The following DHRSX variants were observed in gnomAD, a reference collection of about 807,000 sequenced individuals.
DHRSX encodes dehydrogenase/reductase X-linked.
A neutral mutation model predicts 34.0 loss-of-function variants in DHRSX; 31 were observed. The observed-to-expected ratio is 0.91, with a 90% CI of 0.69 to 1.23. DHRSX has a LOEUF of 1.23. Among genes scored for constraint, DHRSX ranks in the 50% most tolerant of loss-of-function variants. The probability of loss-of-function intolerance (pLI) is 0.00; values close to 1 mark genes in which losing one functional copy is unlikely to be tolerated. For synonymous variants in DHRSX, 201 were observed against 183.8 expected, an observed-to-expected ratio of 1.09 and a Z score of -0.76; for missense variants, 414 against 428.1, an observed-to-expected ratio of 0.97 and a Z score of 0.29.
At chrX:2,230,686 C>T (rs1405928542) in intron 6 of DHRSX, among the ~76,000 whole-genome samples, 4 of 152,150 alleles carry the variant, frequency 2.6e-5, no homozygotes, top group Non-Finnish European at 4.4e-5. Flanking sequence ...AACACTGACA[C>T]TTACTAGAAA....
At chrX:2,235,289 T>C (rs1321400415) in intron 6 of DHRSX, among the ~76,000 whole-genome samples, 1 of 151,442 alleles carries the variant, frequency 6.6e-6, no homozygotes, top group Non-Finnish European at 1.5e-5. Context: ...AGGTGGGAGG[T>C]TGGCAGGAGG....
chrX:2,412,380 G>A (rs746400905), intron 2 of DHRSX, among the ~76,000 whole-genome samples: 4 of 152,250 alleles, frequency 2.6e-5, no homozygotes, highest in South Asian at 4.1e-4. Context: ...CACTGCACCC[G>A]GCCTGGTTTT....
chrX:2,244,977 T>G (rs2016243629), intron 5 of DHRSX, among the ~76,000 whole-genome samples: 1 of 152,136 alleles, frequency 6.6e-6, no homozygotes, highest in African/African-American at 2.4e-5. Context: ...CCCAAAGTGC[T>G]GGGATTACAG....
At chrX:2,350,238 C>G (rs1449253003) in intron 3 of DHRSX, among the ~76,000 whole-genome samples, 1 of 151,756 alleles carries the variant, frequency 6.6e-6, no homozygotes, top group Admixed American at 6.6e-5. Flanking sequence ...GTAGTCTCAG[C>G]TACTCCAGAG....
chrX:2,324,117 A>G (rs1373378327), intron 3 of DHRSX, among the ~76,000 whole-genome samples: 1 of 152,102 alleles, frequency 6.6e-6, no homozygotes, highest in Non-Finnish European at 1.5e-5. Flanking sequence ...TTGTAATTAA[A>G]AGTAATTTCT....
chrX:2,274,885 T>C (rs1040335166), intron 4 of DHRSX, among the ~76,000 whole-genome samples: 70 of 152,102 alleles, frequency 4.6e-4, no homozygotes, highest in Non-Finnish European at 5.9e-5. Flanking sequence ...GGTATTAATT[T>C]TCCTCTTCCT....
rs763743271 is a variant in DHRSX at position 2,298,655 on chromosome X, G to A, written c.287-7052C>T. ...ACACACACGAGGTCTTATTTTCACT[G>A]CTCTACACAGGGTCCTGAGAACCCT... On this transcript the variant is annotated intron_variant, in intron 3 of 6. Coordinates refer to ENST00000334651, the MANE Select transcript of DHRSX (RefSeq NM_145177.3). Among the ~76,000 whole-genome samples, 441 of 123,142 alleles carry A rather than the reference G, an allele frequency of 3.6e-3. 2 individuals are homozygous for A. The highest frequency in any genetic ancestry group is 5.2e-3 in the Non-Finnish European group (350 of 67,178). The allele number at this position is 123,142 out of a possible 152,430, so 80.8% of individuals were successfully genotyped here. A position where few individuals can be genotyped will look rare whatever the true frequency, so the allele number is the denominator to read the frequency against.
intron 3 of DHRSX, among the ~76,000 whole-genome samples, chrX:2,292,019 C>T (rs1277095544): frequency 4.0e-5 from 6 of 150,686 alleles, no homozygotes; most frequent in East Asian, 1.9e-4. Flanking sequence ...GGATTACAGG[C>T]GTGAGCCACC....
intron 1 of DHRSX, among the ~76,000 whole-genome samples, chrX:2,495,946 C>T (rs1158732788): frequency 1.3e-5 from 2 of 152,138 alleles, no homozygotes; most frequent in African/African-American, 4.8e-5. Flanking sequence ...CAGCCGCCAT[C>T]CGTCCCTTTA....
chrX:2,438,739 G>A (rs1476962802), intron 1 of DHRSX, among the ~76,000 whole-genome samples: 1 of 151,860 alleles, frequency 6.6e-6, no homozygotes, highest in East Asian at 1.9e-4. Context: ...GACTGCAGAG[G>A]AGAGGGAAGG....
chrX:2,294,179 GA>G (rs1219819578), intron 3 of DHRSX, among the ~76,000 whole-genome samples: 12 of 152,082 alleles, frequency 7.9e-5, no homozygotes, highest in African/African-American at 2.7e-4. Flanking sequence ...CACAGTGAGA[GA>G]GAGAAACAGA....
chrX:2,417,487 T>C (rs192498879), intron 2 of DHRSX, among the ~76,000 whole-genome samples: 7,772 of 152,144 alleles, frequency 0.051, 253 homozygotes, highest in East Asian at 0.13. Flanking sequence ...CTAATCCAAC[T>C]AGACCTTATC....
intron 5 of DHRSX, among the ~76,000 whole-genome samples, chrX:2,257,348 G>A (rs2041293671): frequency 6.6e-6 from 1 of 152,256 alleles, no homozygotes; most frequent in African/African-American, 2.4e-5. Flanking sequence ...GCTAACCACG[G>A]AAGCTGAAGT....
chrX:2,412,442 T>C (rs769441491), intron 2 of DHRSX, among the ~76,000 whole-genome samples: 37 of 152,234 alleles, frequency 2.4e-4, no homozygotes, highest in African/African-American at 7.9e-4. Context: ...TAGTTTGATG[T>C]TGTCGTCATT....
At chrX:2,263,173 G>A (rs1239553950) in intron 5 of DHRSX, among the ~76,000 whole-genome samples, 2 of 152,218 alleles carry the variant, frequency 1.3e-5, no homozygotes, top group African/African-American at 2.4e-5. Flanking sequence ...ATTCAAAGGC[G>A]AGTCCGACTG....
At chrX:2,407,833 C>T (rs1245161652) in intron 3 of DHRSX, among the ~76,000 whole-genome samples, 3 of 152,268 alleles carry the variant, frequency 2.0e-5, no homozygotes, top group African/African-American at 7.2e-5. Flanking sequence ...GTACAATGTA[C>T]GTGATTCAGG....
At chrX:2,352,302 T>C (rs2042798026) in intron 3 of DHRSX, among the ~76,000 whole-genome samples, 1 of 152,116 alleles carries the variant, frequency 6.6e-6, no homozygotes, top group Non-Finnish European at 1.5e-5. Context: ...TGGGATAGTA[T>C]CTGTTTTCTT....
intron 1 of DHRSX, among the ~76,000 whole-genome samples, chrX:2,468,362 G>T (rs2123993495): frequency 6.6e-6 from 1 of 152,320 alleles, no homozygotes; most frequent in South Asian, 2.1e-4. Flanking sequence ...TTGCAGAGAG[G>T]AGCAGGCTGG....
intron 6 of DHRSX, among the ~76,000 whole-genome samples, chrX:2,231,748 A>AC (rs1469911074): frequency 1.6e-5 from 2 of 125,668 alleles, no homozygotes; most frequent in Admixed American, 1.7e-4. Flanking sequence ...TTCCTCCTCC[A>AC]CCTCGTCCTC....
Sources: allele counts gnomAD v4.1 joint callset (sites outside exome capture counted in the v4.1 genomes callset), GRCh38; gene constraint gnomAD v4.1.1; transcripts MANE v1.5; gene names NCBI Gene and HGNC (gene_info 2026-07-23, HGNC 2026-07-21).